GABBR2: variants seen among roughly 807,000 people sequenced by gnomAD.
GABBR2 encodes the protein gamma-aminobutyric acid type B receptor subunit 2, also known as G-protein coupled receptor 51.
A neutral mutation model predicts 105.6 loss-of-function variants in GABBR2; 23 were observed. The ratio of observed to expected loss-of-function variants is 0.22; its 90% CI spans 0.16 to 0.31. The LOEUF is 0.31. Ranked by LOEUF, GABBR2 falls within the 10% of genes least tolerant of loss-of-function variation. GABBR2 has a pLI of 1.00. For synonymous variants in GABBR2, 478 were observed against 499.7 expected (o/e 0.96, Z 0.58); for missense variants, 734 against 1,245.5 (o/e 0.59, Z 6.18).
At chr9:98,671,310 C>G (rs563370656) in intron 1 of GABBR2, among the ~76,000 whole-genome samples, 1 of 152,162 alleles carries the variant, frequency 6.6e-6, no homozygotes, top group Admixed American at 6.5e-5. Flanking sequence ...CCATCCATGT[C>G]GTAGCATGCA....
In GABBR2 at chr9:98,353,581, A is replaced by T. The variant is rs984735780; in HGVS notation, c.1893+9134T>A. On this transcript the variant is annotated intron_variant, in intron 13 of 18. Coordinates refer to ENST00000259455, the MANE Select transcript of GABBR2 (RefSeq NM_005458.8). ...TTATGAGATGTATTTCTTAAATAAT[A>T]AGACTTGAAAGTCAAAATTATTCCT... Among the ~76,000 whole-genome samples, 9 of 152,352 alleles carry T rather than the reference A, an allele frequency of 5.9e-5. No individual in the cohort carries two copies. In the Middle Eastern group the frequency reaches 0.01, roughly 173 times the overall value.
At chr9:98,411,378 G>A (rs952785577) in intron 7 of GABBR2, among the ~76,000 whole-genome samples, 6 of 152,166 alleles carry the variant, frequency 3.9e-5, no homozygotes, top group African/African-American at 9.7e-5. Flanking sequence ...CTCATTGAGC[G>A]TTTCTGAGCA....
intron 7 of GABBR2, among the ~76,000 whole-genome samples, chr9:98,431,888 TTTTTA>T (rs1329627798): frequency 6.6e-6 from 1 of 151,958 alleles, no homozygotes; most frequent in African/African-American, 2.4e-5. Context: ...ATTATCACTA[TTTTTA>T]TTTTATTATC....
At chr9:98,614,971 G>C (rs1295038114) in intron 1 of GABBR2, among the ~76,000 whole-genome samples, 1 of 152,176 alleles carries the variant, frequency 6.6e-6, no homozygotes. Context: ...CTCTCAACCT[G>C]GAACAGCTTC....
At chr9:98,396,700 T>C (rs958751867) in intron 8 of GABBR2, among the ~76,000 whole-genome samples, 1 of 152,196 alleles carries the variant, frequency 6.6e-6, no homozygotes, top group Admixed American at 6.5e-5. Context: ...CCCTGATTTA[T>C]TTATTTGAGG....
At position 98,388,646 on chromosome 9, in the gene GABBR2, TGTGTGTGTGTGTGTGC is replaced by T. The variant is rs1335003992; in HGVS notation, c.1529+192_1529+207del. On this transcript the variant is annotated intron_variant, in intron 10 of 18. Transcript: ENST00000259455. The surrounding 1 kb of genome is among the most constrained non-coding windows in gnomAD (Gnocchi z 4.4). The stretch of plus-strand genomic sequence containing the variant: ...GTGTGTGTGTGTGTGTGTGTGTGTG[TGTGTGTGTGTGTGTGC>T]GTGCACGCACACACACGTACTCACA... Among the ~76,000 whole-genome samples, 24 of 151,932 alleles carry T rather than the reference TGTGTGTGTGTGTGTGC, an allele frequency of 1.6e-4. No individual in the cohort carries two copies. The highest frequency in any genetic ancestry group is 5.8e-4 in the African/African-American group (24 of 41,404).
chr9:98,291,772 T>C (rs1402173493), intron 18 of GABBR2, among the ~76,000 whole-genome samples: 1 of 152,208 alleles, frequency 6.6e-6, no homozygotes, highest in African/African-American at 2.4e-5. Flanking sequence ...GAAGACTCTT[T>C]CTCTGCTTCC....
intron 1 of GABBR2, among the ~76,000 whole-genome samples, chr9:98,654,476 C>T (rs1276623174): frequency 6.6e-6 from 1 of 152,202 alleles, no homozygotes; most frequent in Non-Finnish European, 1.5e-5. Flanking sequence ...GGGAACTCAA[C>T]AGCATGCTGG....
intron 1 of GABBR2, among the ~76,000 whole-genome samples, chr9:98,624,807 C>T (rs1340174179): frequency 6.6e-6 from 1 of 152,124 alleles, no homozygotes; most frequent in Non-Finnish European, 1.5e-5. Flanking sequence ...CAGGTAGGAG[C>T]CCCGAGCCCG....
At chr9:98,463,640 T>C (rs1749404780) in intron 6 of GABBR2, among the ~76,000 whole-genome samples, 1 of 152,110 alleles carries the variant, frequency 6.6e-6, no homozygotes, top group African/African-American at 2.4e-5. Context: ...TCGCTCTCGC[T>C]CTCCGTCTCC....
At chr9:98,646,547 T>C (rs1171919760) in intron 1 of GABBR2, among the ~76,000 whole-genome samples, 2 of 152,324 alleles carry the variant, frequency 1.3e-5, no homozygotes, top group African/African-American at 4.8e-5. Flanking sequence ...GGATGTTTAT[T>C]GTACTCTGAG....
At chr9:98,345,186 T>C (rs10985919) in intron 13 of GABBR2, among the ~76,000 whole-genome samples, 45,491 of 152,132 alleles carry the variant, frequency 0.3, 7,346 homozygotes, top group Admixed American at 0.41. Context: ...TAGGTCGCCA[T>C]CAGCTTTTGC....
At chr9:98,604,484 T>G (rs1414873153) in intron 1 of GABBR2, among the ~76,000 whole-genome samples, 1 of 152,186 alleles carries the variant, frequency 6.6e-6, no homozygotes, top group African/African-American at 2.4e-5. Flanking sequence ...GAAGATTGTG[T>G]TGTCATGCTT....
At chr9:98,563,996 G>A (rs969939054) in intron 2 of GABBR2, among the ~76,000 whole-genome samples, 1 of 151,964 alleles carries the variant, frequency 6.6e-6, no homozygotes, top group African/African-American at 2.4e-5. Context: ...ACAACCAGTC[G>A]ATCTATTTTC....
chr9:98,472,029 T>C (rs1256032985), intron 6 of GABBR2, among the ~76,000 whole-genome samples: 2 of 152,204 alleles, frequency 1.3e-5, no homozygotes, highest in Non-Finnish European at 2.9e-5. Flanking sequence ...CGATAAATCA[T>C]TCATGTAGAG....
intron 2 of GABBR2, among the ~76,000 whole-genome samples, chr9:98,553,792 C>G (rs1004717580): frequency 2.0e-5 from 3 of 152,304 alleles, no homozygotes; most frequent in Admixed American, 6.5e-5. Context: ...GACTGAGCCT[C>G]GGAGAGGATA....
intron 3 of GABBR2, among the ~76,000 whole-genome samples, chr9:98,499,295 A>G (rs1036500005): frequency 1.1e-4 from 17 of 152,256 alleles, no homozygotes; most frequent in African/African-American, 4.1e-4. Flanking sequence ...ACTCAAAACG[A>G]ATAGACAAAA....
At chr9:98,508,600 C>T (rs13295331) in intron 3 of GABBR2, among the ~76,000 whole-genome samples, 52,296 of 151,916 alleles carry the variant, frequency 0.34, 9,276 homozygotes, top group Middle Eastern at 0.5. Flanking sequence ...TAAAAAATGG[C>T]GCACCAGGAG....
intron 1 of GABBR2, among the ~76,000 whole-genome samples, chr9:98,687,263 T>G (rs1830631243): frequency 6.6e-6 from 1 of 151,528 alleles, no homozygotes; most frequent in Non-Finnish European, 1.5e-5. Context: ...GGACGGAACA[T>G]TACTATGAGG....
Sources: gnomAD v4.1 joint callset for allele counts (sites outside exome capture counted in the v4.1 genomes callset) on GRCh38, gnomAD v4.1.1 for gene constraint, Gnocchi (gnomAD v3.1) non-coding constraint, MANE v1.5 for transcripts, NCBI Gene and HGNC (gene_info 2026-07-23, HGNC 2026-07-21) for gene names.